DOCK10: variants seen among roughly 807,000 people sequenced by gnomAD.
DOCK10 encodes the protein dedicator of cytokinesis 10, also known as dedicator of cytokinesis protein 10.
Under a neutral mutation model 280.1 loss-of-function variants are expected in DOCK10, and 145 were observed. The ratio of observed to expected loss-of-function variants is 0.52; its 90% CI spans 0.45 to 0.59. The LOEUF is 0.59. Ranked by LOEUF, DOCK10 falls within the 20% of genes least tolerant of loss-of-function variation. DOCK10 has a pLI of 0.00. For synonymous variants in DOCK10, 915 were observed against 942.2 expected (o/e 0.97, Z 0.53); for missense variants, 2,368 against 2,651.7 (o/e 0.89, Z 2.35).
At chr2:224,839,412 T>C (rs972995328) in intron 24 of DOCK10, among the ~76,000 whole-genome samples, 4 of 152,112 alleles carry the variant, frequency 2.6e-5, no homozygotes, top group Non-Finnish European at 5.9e-5. Flanking sequence ...CAGCCGTTCA[T>C]AGCACTTTTA....
At chr2:224,931,424 G>A in intron 2 of DOCK10, 125 bp downstream of exon 2, 1 of 1,096,576 alleles carries the variant, frequency 9.1e-7, no homozygotes, top group East Asian at 2.7e-5. Context: ...GTGAACTCCT[G>A]CTGCAGAGAC....
At chr2:224,809,254 T>C (rs1693608162) in intron 31 of DOCK10, among the ~76,000 whole-genome samples, 1 of 152,126 alleles carries the variant, frequency 6.6e-6, no homozygotes, top group African/African-American at 2.4e-5. Context: ...CAAGAAAACA[T>C]AGGGAGAAAG....
In DOCK10 at chr2:224,970,493, C is replaced by T. The variant is rs372406405; in HGVS notation, c.124-38825G>A. 4.3e-4 allele frequency among the ~76,000 whole-genome samples: 65 copies of T among 152,290 alleles called. 1 individual carries two copies. The South Asian group carries it at 0.011, about 25-fold the overall frequency. On this transcript the variant is annotated intron_variant, in intron 1 of 55. Transcript: ENST00000258390. This position sits in a 1 kb window ranked among gnomAD's most constrained non-coding sequence, Gnocchi z 4.6. Reference sequence around the variant, plus strand: ...ATATGATTCTGTTTCTGTTCTAGCACGACATTTCCGGATTCAGACTTCTGC... The same window carrying T: ...ATATGATTCTGTTTCTGTTCTAGCATGACATTTCCGGATTCAGACTTCTGC...
intron 1 of DOCK10, chr2:224,983,656 A>C: frequency 2.4e-6 from 1 of 416,530 alleles, no homozygotes; most frequent in African/African-American, 2.1e-5. Flanking sequence ...ATGCTCAAAC[A>C]GGCATTAATT....
At chr2:224,778,341 G>A in intron 50 of DOCK10, 57 bp from the exon 51 acceptor site, 1 of 1,516,692 alleles carries the variant, frequency 6.6e-7, no homozygotes, top group Non-Finnish European at 9.0e-7. Flanking sequence ...TAAATCAAAA[G>A]CAAAACAAAA....
chr2:225,042,395 C>T lies in DOCK10; in HGVS notation c.-21G>A, dbSNP rs1475200186. Reference sequence around the variant, plus strand: ...GCCATCGCCGGTCACGCCAATCGCGCCGCGGGCCCGGGGCGCGCCTCCCGC... The same window carrying T: ...GCCATCGCCGGTCACGCCAATCGCGTCGCGGGCCCGGGGCGCGCCTCCCGC... On this transcript the variant is annotated 5_prime_UTR_variant, in exon 1 of 56. Transcript: ENST00000258390. This position sits in a 1 kb window ranked among gnomAD's most constrained non-coding sequence, Gnocchi z 5.1. 1.6e-6 allele frequency: 2 copies of T among 1,237,144 alleles called. No homozygotes were observed. Among genetic ancestry groups the T allele is most frequent in the African/African-American group, 3.1e-5 (2 of 63,970 alleles). 76.6% of individuals were successfully genotyped at this position (1,237,144 alleles called of 1,614,324 possible). A position where few individuals can be genotyped will look rare whatever the true frequency, so the allele number is the denominator to read the frequency against.
intron 50 of DOCK10, among the ~76,000 whole-genome samples, chr2:224,784,075 T>G (rs572308699): frequency 1.8e-4 from 28 of 152,306 alleles, no homozygotes; most frequent in African/African-American, 6.3e-4. Context: ...TGGCAGGTTA[T>G]TTTGGACATG....
chr2:224,905,133 T>C (rs1196694069), intron 3 of DOCK10, among the ~76,000 whole-genome samples: 1 of 152,224 alleles, frequency 6.6e-6, no homozygotes, highest in Non-Finnish European at 1.5e-5. Context: ...ATTATACTCA[T>C]TGGATCTTAT....
intron 4 of DOCK10, among the ~76,000 whole-genome samples, chr2:224,889,964 G>A (rs182720264): frequency 6.6e-6 from 1 of 152,186 alleles, no homozygotes; most frequent in African/African-American, 2.4e-5. Flanking sequence ...CAGAAGATGA[G>A]TGTTCCAGGA....
chr2:224,858,129 A>G (rs546997178), intron 14 of DOCK10, among the ~76,000 whole-genome samples: 1 of 152,384 alleles, frequency 6.6e-6, no homozygotes, highest in East Asian at 1.9e-4. Context: ...TGAAACTAAC[A>G]TGATACAATT....
intron 1 of DOCK10, among the ~76,000 whole-genome samples, chr2:225,039,993 C>T (rs1245288963): frequency 3.9e-5 from 6 of 152,140 alleles, no homozygotes; most frequent in African/African-American, 1.2e-4. Flanking sequence ...GTACTGAAGT[C>T]GGATATCCAT....
At chr2:224,821,503 A>AAAATCAC (rs1694501817) in intron 28 of DOCK10, among the ~76,000 whole-genome samples, 1 of 152,234 alleles carries the variant, frequency 6.6e-6, no homozygotes, top group African/African-American at 2.4e-5. Flanking sequence ...TACATTTTCA[A>AAAATCAC]AAATCACTTT....
Position 224,862,759 on chromosome 2 carries a change from T to C in DOCK10, c.1603-13A>G, listed in dbSNP as rs768824730. On this transcript the variant is annotated splice_polypyrimidine_tract_variant and intron_variant, in intron 13 of 55. Coordinates refer to ENST00000258390, the MANE Select transcript of DOCK10 (RefSeq NM_014689.3). ...TCTTTTGTGCATACTAAAGAAAAAA[T>C]AAATACAAATATTGTTTAGAATAGC... The C allele has an allele frequency of 3.3e-6, 5 of 1,513,906 alleles. No homozygotes were observed. In the South Asian group the frequency reaches 4.7e-5, roughly 14 times the overall value. The allele number at this position is 1,513,906 out of a possible 1,614,324, so 93.8% of individuals were successfully genotyped here.
intron 40 of DOCK10, among the ~76,000 whole-genome samples, 158 bp downstream of exon 40, chr2:224,801,758 A>AT (rs970795187): frequency 4.0e-5 from 6 of 151,070 alleles, no homozygotes; most frequent in African/African-American, 1.5e-4. Flanking sequence ...AGGGCACTAC[A>AT]TTTTTTTTTA....
intron 4 of DOCK10, among the ~76,000 whole-genome samples, chr2:224,887,051 C>T (rs530946264): frequency 1.3e-5 from 2 of 152,330 alleles, no homozygotes; most frequent in Admixed American, 6.5e-5. Context: ...GCATGAGCCA[C>T]TGGCGTTTGG....
rs116012594 is a variant in DOCK10 at position 224,848,977 on chromosome 2, T to A, written c.2235+530A>T. Among the ~76,000 whole-genome samples the A allele has an allele frequency of 7.9e-3, 1,200 of 152,294 alleles. 10 individuals carry two copies. The highest frequency in any genetic ancestry group is 0.012 in the Non-Finnish European group (850 of 68,018). On this transcript the variant is annotated intron_variant, in intron 19 of 55. Transcript: ENST00000258390. ...GCATCTTTTTTTTAAATTTAAATTT[T>A]AATTTTTTTAGTTGAGATGGAGTCT...
intron 2 of DOCK10, among the ~76,000 whole-genome samples, chr2:224,917,568 GGAA>G (rs1275751568): frequency 6.6e-6 from 1 of 152,062 alleles, no homozygotes; most frequent in Non-Finnish European, 1.5e-5. Flanking sequence ...GGGGTGGGAA[GGAA>G]GAAGGAGTGT....
At chr2:225,000,185 T>G (rs1201908078) in intron 1 of DOCK10, among the ~76,000 whole-genome samples, 1 of 149,238 alleles carries the variant, frequency 6.7e-6, no homozygotes, top group Non-Finnish European at 1.5e-5. Flanking sequence ...TTGGGATCAC[T>G]CAAGTCACAC....
At chr2:225,014,095 T>G (rs1252355477) in intron 1 of DOCK10, among the ~76,000 whole-genome samples, 10 of 62,030 alleles carry the variant, frequency 1.6e-4, no homozygotes, top group South Asian at 4.1e-4. Flanking sequence ...TTTTTTTTTT[T>G]TTGTTTTTTT....
Sources: allele counts gnomAD v4.1 joint callset (sites outside exome capture counted in the v4.1 genomes callset), GRCh38; gene constraint gnomAD v4.1.1; non-coding constraint Gnocchi (gnomAD v3.1); transcripts MANE v1.5; gene names NCBI Gene and HGNC (gene_info 2026-07-23, HGNC 2026-07-21).